PTPN3: variants seen among roughly 807,000 people sequenced by gnomAD.
PTPN3 encodes tyrosine-protein phosphatase non-receptor type 3.
In PTPN3, 96 loss-of-function variants were observed where a neutral mutation model predicts 132.7. That is an observed-to-expected ratio of 0.72 (90% CI 0.61 to 0.86). The LOEUF (loss-of-function observed/expected upper bound fraction) is 0.86, where lower values mean the gene tolerates loss of function less well. Ranked by LOEUF, PTPN3 falls within the 40% of genes least tolerant of loss-of-function variation. The probability of loss-of-function intolerance (pLI) is 0.00; values close to 1 mark genes in which losing one functional copy is unlikely to be tolerated. For missense variants in PTPN3, 1,125 were observed against 1,159.6 expected (o/e 0.97, Z 0.43); for synonymous variants, 398 against 429.0 (o/e 0.93, Z 0.89).
At position 109,432,713 on chromosome 9, in the gene PTPN3, C is replaced by A. The variant is rs546434132; in HGVS notation, c.764+360G>T. Among the ~76,000 whole-genome samples the A allele has an allele frequency of 2.4e-4, 37 of 152,162 alleles. No individual in the cohort carries two copies. The South Asian group carries it at 4.0e-3, about 16-fold the overall frequency. ...ACTTGGTAAAGGTTCAGTTAATAACCGAGGAACAGAAATGAAACGATGGTT... is the reference window on the plus strand; with the variant it reads ...ACTTGGTAAAGGTTCAGTTAATAACAGAGGAACAGAAATGAAACGATGGTT... On this transcript the variant is annotated intron_variant, in intron 10 of 25. Coordinates refer to ENST00000374541, the MANE Select transcript of PTPN3 (RefSeq NM_002829.4).
chr9:109,445,319 A>G, intron 6 of PTPN3, 27 bp from the exon 7 acceptor site: 1 of 1,596,096 alleles, frequency 6.3e-7, no homozygotes, highest in Non-Finnish European at 8.6e-7. Flanking sequence ...ATATTAGCAA[A>G]GTCACAAGAA....
chr9:109,430,725 A>G lies in PTPN3; in HGVS notation c.765-2041T>C, dbSNP rs550396572. Among the ~76,000 whole-genome samples, 3 of 152,322 alleles carry G rather than the reference A, an allele frequency of 2.0e-5. No individual in the cohort carries two copies. The East Asian group carries it at 5.8e-4, about 29-fold the overall frequency. On this transcript the variant is annotated intron_variant, in intron 10 of 25. Coordinates refer to ENST00000374541, the MANE Select transcript of PTPN3 (RefSeq NM_002829.4). Reference sequence around the variant, plus strand: ...TGTAACTGTGAGCACTGCATGCAGGAATGCCTAGAGTCTCACAAGAGCACT... The same window carrying G: ...TGTAACTGTGAGCACTGCATGCAGGGATGCCTAGAGTCTCACAAGAGCACT...
At chr9:109,429,571 G>A (rs1259634102) in intron 10 of PTPN3, among the ~76,000 whole-genome samples, 3 of 152,160 alleles carry the variant, frequency 2.0e-5, no homozygotes, top group Non-Finnish European at 2.9e-5. Context: ...AACTATGTGG[G>A]GTCCACTATC....
chr9:109,506,090 G>T, the PTPN3 span, among the ~76,000 whole-genome samples: 1 of 152,142 alleles, frequency 6.6e-6, no homozygotes, highest in East Asian at 1.9e-4. Flanking sequence ...CATAGAAAGG[G>T]GTAGAAGGAG....
intron 10 of PTPN3, 120 bp from the exon 11 acceptor site, chr9:109,428,804 C>A: frequency 6.9e-7 from 1 of 1,448,978 alleles, no homozygotes; most frequent in South Asian, 1.5e-5. Context: ...TCTTGGCTGC[C>A]TAGAGTTTAC....
chr9:109,499,557 A>AC (rs543468351), upstream of PTPN3, among the ~76,000 whole-genome samples: 3 of 140,060 alleles, frequency 2.1e-5, no homozygotes, highest in African/African-American at 5.1e-5. Flanking sequence ...TACTGCAGTG[A>AC]CCCCCCTGCA....
the PTPN3 span, among the ~76,000 whole-genome samples, chr9:109,536,122 T>G: frequency 2.0e-5 from 3 of 152,348 alleles, no homozygotes; most frequent in South Asian, 6.2e-4. Flanking sequence ...TAATAATATT[T>G]GACCTTTTGT....
intron 1 of PTPN3, among the ~76,000 whole-genome samples, chr9:109,480,108 G>A (rs1846889459): frequency 6.6e-6 from 1 of 152,138 alleles, no homozygotes; most frequent in African/African-American, 2.4e-5. Flanking sequence ...GTGTTTACTG[G>A]CAATTTGTGC....
the PTPN3 span, among the ~76,000 whole-genome samples, chr9:109,521,423 G>A: frequency 3.9e-5 from 6 of 152,180 alleles, no homozygotes; most frequent in Non-Finnish European, 7.3e-5. Flanking sequence ...GCCTCCCAAA[G>A]TGCTAGGATT....
At chr9:109,382,956 T>C (rs576808995) in intron 23 of PTPN3, among the ~76,000 whole-genome samples, 1 of 152,212 alleles carries the variant, frequency 6.6e-6, no homozygotes, top group Admixed American at 6.5e-5. Context: ...TCCATAGATG[T>C]CCTTTCTCCT....
At position 109,376,938 on chromosome 9, in the gene PTPN3, T is replaced by C. The variant is rs982760684; in HGVS notation, c.*2618A>G. On this transcript the variant is annotated 3_prime_UTR_variant, in exon 26 of 26. Transcript: ENST00000374541. ...GGCCTGCCCAGTGGCAGAAGACTGC[T>C]TGCAACCTTTGGTAGGCTTTTTAGA... The C allele has an allele frequency of 6.6e-6, 1 of 152,226 alleles. No individual in the cohort carries two copies. Among genetic ancestry groups the C allele is most frequent in the East Asian group, 1.9e-4 (1 of 5,200 alleles). The allele number at this position is 152,226 out of a possible 1,614,324, so 9.4% of individuals were successfully genotyped here.
At position 109,463,401 on chromosome 9, in the gene PTPN3, T is replaced by C. The variant is rs908792391; in HGVS notation, c.34A>G (p.Ile12Val). Residue 12 changes from isoleucine to valine, a missense_variant, in exon 2 of 26, where the codon ATT becomes GTT. Transcript: ENST00000374541. Reference sequence around the variant, plus strand: ...AACTCCGAGGTGCGTATATTATTAATTCTTCCACCCAACGCACGTAACCGG... The same window carrying C: ...AACTCCGAGGTGCGTATATTATTAACTCTTCCACCCAACGCACGTAACCGG... Reference protein sequence around the residue: ...TSRLRALGGRINNIRTSELPK... With the variant: ...TSRLRALGGRVNNIRTSELPK... 1 of 1,612,616 alleles carries C rather than the reference T, an allele frequency of 6.2e-7. No individual in the cohort carries two copies. The highest frequency in any genetic ancestry group is 8.5e-7 in the Non-Finnish European group (1 of 1,179,664).
At chr9:109,512,297 A>C in the PTPN3 span, among the ~76,000 whole-genome samples, 5 of 152,286 alleles carry the variant, frequency 3.3e-5, no homozygotes, top group South Asian at 1.0e-3. Context: ...ATTATTAAGA[A>C]GCTCCTGGGT....
chr9:109,488,070 G>A (rs1433943857), intron 1 of PTPN3, among the ~76,000 whole-genome samples: 1 of 151,952 alleles, frequency 6.6e-6, no homozygotes, highest in Non-Finnish European at 1.5e-5. Flanking sequence ...CAGCTGTGTG[G>A]GGTCGGGGGG....
intron 10 of PTPN3, 80 bp from the exon 11 acceptor site, chr9:109,428,764 C>A: frequency 6.5e-7 from 1 of 1,527,246 alleles, no homozygotes; most frequent in Non-Finnish European, 8.8e-7. Context: ...AATGCATGTC[C>A]TTTACTCCAT....
chr9:109,410,123 G>A lies in PTPN3; in HGVS notation c.1501-47C>T, dbSNP rs755507954. The A allele has an allele frequency of 4.7e-5, 76 of 1,613,950 alleles. 1 individual carries two copies. In the South Asian group the frequency reaches 8.3e-4, roughly 18 times the overall value. On this transcript the variant is annotated intron_variant, in intron 15 of 25. Transcript: ENST00000374541. ...GTCATTTGCATCACATCTCTCTCCA[G>A]CAGTTGGTGATAAGATATTTTCATT...
Position 109,382,457 on chromosome 9 carries a change from A to G in PTPN3, c.2383-10T>C. On this transcript the variant is annotated splice_polypyrimidine_tract_variant and intron_variant, in intron 23 of 25. Transcript: ENST00000374541. ...TGTGTTCTTCCCCGGTCTGTGGGAG[A>G]TGCAGTGGCCTTGGTGAGCCCATCC... is the stretch of plus-strand genomic sequence containing the variant. The G allele has an allele frequency of 6.2e-7, 1 of 1,613,804 alleles. No individual in the cohort carries two copies. The highest frequency in any genetic ancestry group is 8.5e-7 in the Non-Finnish European group (1 of 1,179,976).
At chr9:109,467,550 T>C (rs1384821669) in intron 1 of PTPN3, among the ~76,000 whole-genome samples, 1 of 152,216 alleles carries the variant, frequency 6.6e-6, no homozygotes, top group East Asian at 1.9e-4. Flanking sequence ...CCATGCACTA[T>C]GTGGATGAAT....
intron 21 of PTPN3, among the ~76,000 whole-genome samples, chr9:109,390,314 A>C (rs749008759): frequency 6.6e-6 from 1 of 152,160 alleles, no homozygotes. Flanking sequence ...TCATCTGTCT[A>C]TTTAGGAGTT....
Sources: allele counts gnomAD v4.1 joint callset (sites outside exome capture counted in the v4.1 genomes callset), GRCh38; gene constraint gnomAD v4.1.1; transcripts MANE v1.5; gene names NCBI Gene and HGNC (gene_info 2026-07-23, HGNC 2026-07-21).